The following DSCAML1 variants were observed in gnomAD, a reference collection of about 807,000 sequenced individuals.
The protein encoded by DSCAML1 is cell adhesion molecule DSCAML1.
DSCAML1 carries 38 observed loss-of-function variants against 200.5 expected under a neutral mutation model. That is an observed-to-expected ratio of 0.19 (90% CI 0.15 to 0.25). The LOEUF (loss-of-function observed/expected upper bound fraction) is 0.25. Among genes scored for constraint, DSCAML1 ranks in the 10% least tolerant of loss-of-function variants. DSCAML1 has a pLI of 1.00. For missense variants in DSCAML1, 2,223 were observed against 2,858.8 expected (o/e 0.78, Z 5.07); for synonymous variants, 1,215 against 1,165.0 (o/e 1.04, Z -0.87).
intron 3 of DSCAML1, among the ~76,000 whole-genome samples, chr11:117,617,712 A>T (rs866331133): frequency 7.9e-6 from 1 of 126,108 alleles, no homozygotes; most frequent in African/African-American, 3.0e-5. Flanking sequence ...ACACACACAC[A>T]CACACACACA....
chr11:117,721,408 A>G (rs1350302636), intron 3 of DSCAML1, among the ~76,000 whole-genome samples: 1 of 152,052 alleles, frequency 6.6e-6, no homozygotes, highest in Admixed American at 6.6e-5. Flanking sequence ...CCCCTCCCCC[A>G]ACCTGGAATT....
chr11:117,485,129 C>A (rs904472480), intron 11 of DSCAML1, among the ~76,000 whole-genome samples: 4 of 152,186 alleles, frequency 2.6e-5, no homozygotes, highest in African/African-American at 9.7e-5. Context: ...GCCAATGAAG[C>A]AGGGACCATG....
At chr11:117,768,284 T>C (rs955834173) in intron 3 of DSCAML1, among the ~76,000 whole-genome samples, 13 of 152,226 alleles carry the variant, frequency 8.5e-5, no homozygotes, top group Admixed American at 7.2e-4. Flanking sequence ...TACTACATCC[T>C]AGGCACTTTG....
intron 3 of DSCAML1, among the ~76,000 whole-genome samples, chr11:117,532,839 A>G (rs2050106237): frequency 6.6e-6 from 1 of 152,110 alleles, no homozygotes; most frequent in Non-Finnish European, 1.5e-5. Context: ...GATTTAAAAA[A>G]TGGGGCCAGG....
chr11:117,472,085 C>T (rs745409393), intron 14 of DSCAML1, 49 bp from the exon 15 acceptor site: 2 of 1,603,022 alleles, frequency 1.2e-6, no homozygotes, highest in Non-Finnish European at 1.7e-6. Flanking sequence ...AACTCCAGGA[C>T]CCCTTCCCAG....
At chr11:117,566,559 T>C (rs945219411) in intron 3 of DSCAML1, among the ~76,000 whole-genome samples, 1 of 151,800 alleles carries the variant, frequency 6.6e-6, no homozygotes, top group Non-Finnish European at 1.5e-5. Context: ...CTTGGTTTTT[T>C]TTTTGTTTGT....
intron 3 of DSCAML1, among the ~76,000 whole-genome samples, chr11:117,609,034 AC>A (rs200648399): frequency 0.15 from 20,255 of 134,772 alleles, 1,523 homozygotes; most frequent in South Asian, 0.25. Flanking sequence ...AAACAAACAA[AC>A]AAAAAAAACA....
At chr11:117,433,884 A>G (rs1211826448) in intron 27 of DSCAML1, among the ~76,000 whole-genome samples, 1 of 152,190 alleles carries the variant, frequency 6.6e-6, no homozygotes, top group East Asian at 1.9e-4. Flanking sequence ...GAGGTGGTCA[A>G]TGGGAAGCCC....
intron 32 of DSCAML1, among the ~76,000 whole-genome samples, chr11:117,429,546 AT>A (rs1229882210): frequency 6.6e-6 from 1 of 151,894 alleles, no homozygotes; most frequent in Non-Finnish European, 1.5e-5. Flanking sequence ...TAATTTCTGT[AT>A]TTTTTTAGTA....
At chr11:117,765,250 C>T (rs893274944) in intron 3 of DSCAML1, among the ~76,000 whole-genome samples, 4 of 152,340 alleles carry the variant, frequency 2.6e-5, no homozygotes, top group Middle Eastern at 3.4e-3. Flanking sequence ...CTGTGAAAGT[C>T]GAGCTTGGCA....
At chr11:117,502,659 CCACA>C (rs2049417989) in intron 11 of DSCAML1, among the ~76,000 whole-genome samples, 1 of 152,128 alleles carries the variant, frequency 6.6e-6, no homozygotes, top group Non-Finnish European at 1.5e-5. Context: ...GCTGGGCAGA[CCACA>C]CACGGGGCTA....
At position 117,428,448 on chromosome 11, in the gene DSCAML1, C is replaced by T. The variant is rs2047707547; in HGVS notation, c.6042G>A (p.Gly2014=). 2.0e-6 allele frequency: 3 copies of T among 1,538,142 alleles called. No homozygotes were observed. Among genetic ancestry groups the T allele is most frequent in the African/African-American group, 1.4e-5 (1 of 71,706 alleles). The stretch of plus-strand genomic sequence containing the variant: ...AGCCCCCCATTTTGGTGTGTGGGCC[C>T]CCGGCTCGTGGAGGCTCGGTGCTGG... The part of the protein sequence containing the change: ...PAPSTEPPRA[G]GPHTKMGGSR... The change falls in exon 33 of 33, where the codon GGG becomes GGA. Residue 2014 remains glycine (G), a synonymous_variant. Coordinates refer to ENST00000651296, the MANE Select transcript of DSCAML1 (RefSeq NM_020693.4).
At chr11:117,587,985 G>T (rs55785055) in intron 3 of DSCAML1, among the ~76,000 whole-genome samples, 10,492 of 152,176 alleles carry the variant, frequency 0.069, 1,208 homozygotes, top group African/African-American at 0.24. Flanking sequence ...CATAACCCAC[G>T]ACCACTGGCA....
In DSCAML1 at chr11:117,774,411, C is replaced by T. The variant is rs1332497951; in HGVS notation, c.511+2380G>A. 2.6e-5 allele frequency among the ~76,000 whole-genome samples: 4 copies of T among 152,194 alleles called. No individual in the cohort carries two copies. The South Asian group carries it at 6.2e-4, about 24-fold the overall frequency. On this transcript the variant is annotated intron_variant, in intron 3 of 32. Transcript: ENST00000651296. Reference sequence around the variant, plus strand: ...CCTAATAATCGCAATAACCTGTGCTCAGCAACTGTCGGGCAGTGTTCTAGA... The same window carrying T: ...CCTAATAATCGCAATAACCTGTGCTTAGCAACTGTCGGGCAGTGTTCTAGA...
intron 11 of DSCAML1, among the ~76,000 whole-genome samples, chr11:117,493,926 C>T (rs1327582109): frequency 6.6e-6 from 1 of 152,192 alleles, no homozygotes; most frequent in East Asian, 1.9e-4. Context: ...CTGTGCCTGG[C>T]CTGGTCTTCT....
At chr11:117,807,739 A>G (rs115609875) in intron 1 of DSCAML1, among the ~76,000 whole-genome samples, 92 of 152,344 alleles carry the variant, frequency 6.0e-4, no homozygotes, top group African/African-American at 2.2e-3. Context: ...TTATCTTTCA[A>G]TATTAGATAC....
chr11:117,491,594 A>G (rs2049182667), intron 11 of DSCAML1, among the ~76,000 whole-genome samples: 1 of 152,334 alleles, frequency 6.6e-6, no homozygotes, highest in South Asian at 2.1e-4. Context: ...GCCATGGCCA[A>G]CATGGCCCGT....
chr11:117,745,712 A>C (rs1004165261), intron 3 of DSCAML1, among the ~76,000 whole-genome samples: 1 of 152,180 alleles, frequency 6.6e-6, no homozygotes, highest in African/African-American at 2.4e-5. Flanking sequence ...TCGTTATGCT[A>C]CGTCAGCTCA....
At chr11:117,495,354 C>T (rs532005596) in intron 11 of DSCAML1, among the ~76,000 whole-genome samples, 6 of 152,272 alleles carry the variant, frequency 3.9e-5, no homozygotes, top group African/African-American at 1.4e-4. Flanking sequence ...GGGCTGAATG[C>T]AAGCAAACAC....
Sources: gnomAD v4.1 joint callset for allele counts (sites outside exome capture counted in the v4.1 genomes callset) on GRCh38, gnomAD v4.1.1 for gene constraint, MANE v1.5 for transcripts, NCBI Gene and HGNC (gene_info 2026-07-23, HGNC 2026-07-21) for gene names.